Variants in SLC4A10 observed in about 807,000 individuals in gnomAD.
SLC4A10 encodes the protein sodium-driven chloride bicarbonate exchanger.
Under a neutral mutation model 137.7 loss-of-function variants are expected in SLC4A10, and 42 were observed. The observed-to-expected ratio is 0.30, with a 90% CI of 0.24 to 0.39. The LOEUF is 0.39. SLC4A10 is among the 10% of genes least tolerant of loss of function. SLC4A10 has a pLI of 1.00. For missense variants in SLC4A10, 925 were observed against 1,355.0 expected (o/e 0.68, Z 4.98); for synonymous variants, 474 against 464.1 (o/e 1.02, Z -0.27).
At chr2:161,867,369 A>G (rs1001236229) in intron 6 of SLC4A10, among the ~76,000 whole-genome samples, 1 of 151,960 alleles carries the variant, frequency 6.6e-6, no homozygotes, top group Admixed American at 6.6e-5. Context: ...ATCCCTCATA[A>G]TGTTCTACCT....
At chr2:161,735,251 A>G (rs2047224437) in intron 1 of SLC4A10, among the ~76,000 whole-genome samples, 1 of 150,892 alleles carries the variant, frequency 6.6e-6, no homozygotes, top group African/African-American at 2.4e-5. Flanking sequence ...GTTTTATATT[A>G]GTATTTGTAG....
intron 2 of SLC4A10, among the ~76,000 whole-genome samples, chr2:161,783,024 C>G (rs527445969): frequency 1.3e-5 from 2 of 151,930 alleles, no homozygotes; most frequent in East Asian, 3.9e-4. Context: ...GATATCAACA[C>G]TAAGACACCT....
intron 1 of SLC4A10, among the ~76,000 whole-genome samples, chr2:161,676,381 T>G (rs1000178262): frequency 1.3e-5 from 2 of 152,222 alleles, no homozygotes; most frequent in Non-Finnish European, 2.9e-5. Context: ...GGTCATTTAT[T>G]GCCTATTTTT....
intron 1 of SLC4A10, among the ~76,000 whole-genome samples, chr2:161,739,103 T>C (rs555099770): frequency 6.6e-6 from 1 of 152,052 alleles, no homozygotes; most frequent in Admixed American, 6.5e-5. Flanking sequence ...GACCACTGCA[T>C]CAAGTGGGTG....
intron 19 of SLC4A10, 126 bp downstream of exon 19, chr2:161,950,974 T>C: frequency 3.7e-6 from 3 of 800,710 alleles, no homozygotes; most frequent in South Asian, 4.9e-5. Context: ...TTTAGATGTA[T>C]AATTTTTATT....
chr2:161,717,409 TATG>T (rs1221909017), intron 1 of SLC4A10, among the ~76,000 whole-genome samples: 1 of 152,220 alleles, frequency 6.6e-6, no homozygotes, highest in African/African-American at 2.4e-5. Flanking sequence ...GCCCATGCAG[TATG>T]ATATTGGCTG....
chr2:161,963,669 TC>T (rs1697110225), intron 21 of SLC4A10, among the ~76,000 whole-genome samples: 1 of 152,094 alleles, frequency 6.6e-6, no homozygotes, highest in African/African-American at 2.4e-5. Context: ...GAGACGTAGG[TC>T]CGTGAATCAT....
chr2:161,678,676 T>A (rs1309553428), intron 1 of SLC4A10, among the ~76,000 whole-genome samples: 2 of 152,130 alleles, frequency 1.3e-5, no homozygotes, highest in Non-Finnish European at 2.9e-5. Flanking sequence ...TACCATAGAT[T>A]AGTTTTACCT....
intron 1 of SLC4A10, among the ~76,000 whole-genome samples, chr2:161,647,580 A>G (rs989708535): frequency 3.9e-5 from 6 of 152,170 alleles, no homozygotes; most frequent in African/African-American, 1.2e-4. Flanking sequence ...TGTTTAAGAA[A>G]GAACTACAAG....
chr2:161,812,562 T>A (rs2056658313), intron 3 of SLC4A10, among the ~76,000 whole-genome samples: 1 of 152,104 alleles, frequency 6.6e-6, no homozygotes, highest in African/African-American at 2.4e-5. Flanking sequence ...TGTTCCCATC[T>A]TTATGTCCAT....
intron 4 of SLC4A10, among the ~76,000 whole-genome samples, chr2:161,853,847 C>G (rs1201118847): frequency 6.6e-6 from 1 of 151,950 alleles, no homozygotes; most frequent in Non-Finnish European, 1.5e-5. Flanking sequence ...TTCCTAAACA[C>G]TAAAAACAGA....
At chr2:161,792,370 G>A (rs563202227) in intron 2 of SLC4A10, among the ~76,000 whole-genome samples, 1 of 151,900 alleles carries the variant, frequency 6.6e-6, no homozygotes, top group East Asian at 1.9e-4. Context: ...GACAAACCAC[G>A]GATGACCAAA....
At chr2:161,750,302 G>A (rs926997644) in intron 1 of SLC4A10, among the ~76,000 whole-genome samples, 7 of 151,530 alleles carry the variant, frequency 4.6e-5, no homozygotes, top group African/African-American at 1.7e-4. Flanking sequence ...GGTTTAGTCT[G>A]TTCTACCTTT....
chr2:161,937,420 ATTAACACTG>A (rs1433459545), intron 15 of SLC4A10, among the ~76,000 whole-genome samples: 1 of 152,096 alleles, frequency 6.6e-6, no homozygotes, highest in African/African-American at 2.4e-5. Context: ...TTTCAACCAA[ATTAACACTG>A]TTTATTCTCT....
At chr2:161,706,216 T>A (rs2043644664) in intron 1 of SLC4A10, among the ~76,000 whole-genome samples, 1 of 151,530 alleles carries the variant, frequency 6.6e-6, no homozygotes, top group Admixed American at 6.6e-5. Flanking sequence ...CTGAAGGAAA[T>A]TGGGGATTAT....
intron 21 of SLC4A10, among the ~76,000 whole-genome samples, chr2:161,960,190 C>A (rs1269902692): frequency 6.6e-6 from 1 of 151,384 alleles, no homozygotes; most frequent in Non-Finnish European, 1.5e-5. Context: ...ATGGTGAAAC[C>A]CCATCTCTAC....
chr2:161,653,772 T>C (rs2037141015), intron 1 of SLC4A10, among the ~76,000 whole-genome samples: 1 of 152,224 alleles, frequency 6.6e-6, no homozygotes, highest in African/African-American at 2.4e-5. Context: ...TACCACATTT[T>C]CTTTATGCGT....
At chr2:161,631,079 T>C (rs2033461637) in intron 1 of SLC4A10, among the ~76,000 whole-genome samples, 1 of 151,696 alleles carries the variant, frequency 6.6e-6, no homozygotes, top group Admixed American at 6.6e-5. Context: ...ATATGAAATG[T>C]CTAGAATAGG....
At chr2:161,981,422 G>A (rs368213297) in intron 26 of SLC4A10, among the ~76,000 whole-genome samples, 57 of 152,306 alleles carry the variant, frequency 3.7e-4, no homozygotes, top group African/African-American at 1.2e-3. Context: ...AGGCCATCTA[G>A]TCCAAAACCA....
Sources: allele counts gnomAD v4.1 joint callset (sites outside exome capture counted in the v4.1 genomes callset), GRCh38; gene constraint gnomAD v4.1.1; transcripts MANE v1.5; gene names NCBI Gene and HGNC (gene_info 2026-07-23, HGNC 2026-07-21).